TRAPPC9: variants seen among roughly 807,000 people sequenced by gnomAD.
The protein encoded by TRAPPC9 is trafficking protein particle complex subunit 9, also known as IKK2 binding protein.
Under a neutral mutation model 124.0 loss-of-function variants are expected in TRAPPC9, and 83 were observed. The observed-to-expected ratio is 0.67, with a 90% CI of 0.56 to 0.80. TRAPPC9 has a LOEUF of 0.80. Ranked by LOEUF, TRAPPC9 falls within the 30% of genes least tolerant of loss-of-function variation. The probability of loss-of-function intolerance (pLI) is 0.00; values close to 1 mark genes in which losing one functional copy is unlikely to be tolerated. For missense variants in TRAPPC9, 1,302 were observed against 1,508.3 expected, an observed-to-expected ratio of 0.86 and a Z score of 2.27; for synonymous variants, 638 against 617.5, an observed-to-expected ratio of 1.03 and a Z score of -0.49.
rs28710457 is a variant in TRAPPC9 at position 139,988,794 on chromosome 8, G to T, written c.2742C>A (p.Thr914=). The T allele has an allele frequency of 1.3e-6, 2 of 1,551,486 alleles. No homozygotes were observed. Among genetic ancestry groups the T allele is most frequent in the East Asian group, 4.9e-5 (2 of 40,906 alleles). ...TGGTGCTGACGGTCAGCTCATGCTC[G>T]GTGGAGTTGAAGACATCCAGGAGCA... is the stretch of plus-strand genomic sequence containing the variant. ...CHLLLDVFNS[T]EHELTVSTRS... is the part of the protein sequence containing the mutation. The change falls in exon 19 of 23, where the codon ACC becomes ACA. Residue 914 remains threonine, a synonymous_variant. Transcript: ENST00000438773.
Position 140,074,579 on chromosome 8 carries a change from CACTT to C in TRAPPC9, c.2557-50504_2557-50501del, listed in dbSNP as rs141867655. On this transcript the variant is annotated intron_variant, in intron 17 of 22. Coordinates refer to ENST00000438773, the MANE Select transcript of TRAPPC9 (RefSeq NM_001160372.4). Reference sequence around the variant, plus strand: ...GGCTGATGTCGCTGCACTTAACAAACACTTACTGGGCTCTCGTTGTCAGACAGAC... The same window carrying C: ...GGCTGATGTCGCTGCACTTAACAAACACTGGGCTCTCGTTGTCAGACAGAC... 5.5e-3 allele frequency among the ~76,000 whole-genome samples: 837 copies of C among 152,288 alleles called. 22 individuals carry two copies. The East Asian group carries it at 0.07, about 13-fold the overall frequency.
intron 6 of TRAPPC9, among the ~76,000 whole-genome samples, chr8:140,400,537 C>T (rs1415904168): frequency 1.3e-5 from 2 of 152,310 alleles, no homozygotes; most frequent in South Asian, 2.1e-4. Context: ...TGCTTTCTGA[C>T]TTTGTCTCAG....
intron 19 of TRAPPC9, among the ~76,000 whole-genome samples, chr8:139,919,733 C>A (rs1832387859): frequency 6.6e-6 from 1 of 152,182 alleles, no homozygotes; most frequent in African/African-American, 2.4e-5. Flanking sequence ...TTGGTTGTGT[C>A]AGAGCTGTTT....
chr8:140,450,868 T>G lies in TRAPPC9; in HGVS notation c.506A>C (p.Asp169Ala). Residue 169 changes from aspartate (D) to alanine (A), a missense_variant, in exon 2 of 23, where the codon GAC becomes GCC. Asp to Ala is a moderately radical substitution (Grantham distance 126). Transcript: ENST00000438773. ...AAGGGGGATCTTATCCCCAGACTTG[T>G]CTGTGGCTCTGTCCAGACGCTTGGA... is the stretch of plus-strand genomic sequence containing the variant. The part of the protein sequence containing the change: ...LESKRLDRAT[D>A]KSGDKIPLLC... 3 of 1,614,058 alleles carry G rather than the reference T, an allele frequency of 1.9e-6. No homozygotes were observed. Among genetic ancestry groups the G allele is most frequent in the Non-Finnish European group, 1.7e-6 (2 of 1,179,996 alleles).
chr8:139,990,516 T>A (rs188506512), intron 18 of TRAPPC9, among the ~76,000 whole-genome samples: 4 of 152,208 alleles, frequency 2.6e-5, no homozygotes, highest in Admixed American at 2.6e-4. Flanking sequence ...GGGGCATCTG[T>A]GAAATATCAA....
chr8:140,400,921 C>G (rs1281483875), intron 6 of TRAPPC9, among the ~76,000 whole-genome samples: 3 of 152,178 alleles, frequency 2.0e-5, no homozygotes, highest in Non-Finnish European at 4.4e-5. Flanking sequence ...CTACTCCAAA[C>G]CTTATTTTTA....
chr8:140,084,714 T>C (rs10103236), intron 17 of TRAPPC9, among the ~76,000 whole-genome samples: 41,086 of 152,218 alleles, frequency 0.27, 8,532 homozygotes, highest in African/African-American at 0.58. Flanking sequence ...GCATGGTCCT[T>C]GGCCCCTCAG....
At position 139,825,628 on chromosome 8, in the gene TRAPPC9, T is replaced by C. The variant is rs149808681; in HGVS notation, c.3055+60251A>G. Among the ~76,000 whole-genome samples, 269 of 152,178 alleles carry C rather than the reference T, an allele frequency of 1.8e-3. No homozygotes were observed. Among genetic ancestry groups the C allele is most frequent in the Non-Finnish European group, 3.0e-3 (205 of 67,978 alleles). ...AGTAAGTTCTGAGAAAAAAGTCACTTCCACCCGGGGGAAATTTCATGGCTC... is the reference window on the plus strand; with the variant it reads ...AGTAAGTTCTGAGAAAAAAGTCACTCCCACCCGGGGGAAATTTCATGGCTC... On this transcript the variant is annotated intron_variant, in intron 21 of 22. Transcript: ENST00000438773. This position sits in a 1 kb window ranked among gnomAD's most constrained non-coding sequence, Gnocchi z 4.6.
intron 21 of TRAPPC9, among the ~76,000 whole-genome samples, chr8:139,803,347 C>T (rs1179196204): frequency 6.6e-6 from 1 of 152,238 alleles, no homozygotes; most frequent in Non-Finnish European, 1.5e-5. Flanking sequence ...TGCCCTCCAG[C>T]CCCGTGGGCA....
chr8:139,937,584 G>C (rs79881896), intron 19 of TRAPPC9, among the ~76,000 whole-genome samples: 5,743 of 152,166 alleles, frequency 0.038, 272 homozygotes, highest in African/African-American at 0.11. Context: ...GAGAGAGGGA[G>C]GATCAATGTA....
chr8:139,820,103 CA>C (rs1411661696), intron 21 of TRAPPC9, among the ~76,000 whole-genome samples: 20 of 151,162 alleles, frequency 1.3e-4, no homozygotes, highest in African/African-American at 4.6e-4. Context: ...TGATAAATGC[CA>C]AAAGACATTT....
chr8:139,843,304 T>G (rs1365185962), intron 21 of TRAPPC9, among the ~76,000 whole-genome samples: 1 of 152,206 alleles, frequency 6.6e-6, no homozygotes, highest in East Asian at 1.9e-4. Flanking sequence ...GCGGCAGGGC[T>G]GAGACTCGGC....
chr8:139,830,408 C>T (rs1244180686), intron 21 of TRAPPC9, among the ~76,000 whole-genome samples: 2 of 151,868 alleles, frequency 1.3e-5, no homozygotes, highest in Non-Finnish European at 2.9e-5. Context: ...AATGAGCATA[C>T]ACCTGCAAAT....
chr8:139,738,829 G>C (rs1372137221), intron 21 of TRAPPC9, among the ~76,000 whole-genome samples: 1 of 151,874 alleles, frequency 6.6e-6, no homozygotes, highest in African/African-American at 2.4e-5. Context: ...CGCAGAGCTG[G>C]TCCTGGGGCA....
intron 18 of TRAPPC9, chr8:140,008,325 A>C (rs1445767026): frequency 6.6e-6 from 1 of 152,288 alleles, no homozygotes; most frequent in East Asian, 1.9e-4. Flanking sequence ...GTCTCAGTGC[A>C]GATCTCGCAG....
intron 21 of TRAPPC9, among the ~76,000 whole-genome samples, chr8:139,733,107 G>A (rs1043815902): frequency 1.3e-5 from 2 of 152,176 alleles, no homozygotes; most frequent in Non-Finnish European, 2.9e-5. Context: ...GGGAAGGGGA[G>A]TCTTTGAAGA....
At chr8:140,457,295 A>G (rs2071712839) in intron 1 of TRAPPC9, among the ~76,000 whole-genome samples, 1 of 152,294 alleles carries the variant, frequency 6.6e-6, no homozygotes, top group South Asian at 2.1e-4. Context: ...TCGGAGGCAC[A>G]GAGGGGAAGG....
chr8:139,948,720 C>T (rs1053262660), intron 19 of TRAPPC9, among the ~76,000 whole-genome samples: 2 of 152,218 alleles, frequency 1.3e-5, no homozygotes, highest in African/African-American at 4.8e-5. Context: ...CAGGTGCCCC[C>T]TTTGCAGCCT....
chr8:139,785,537 A>AAC (rs57202244), intron 21 of TRAPPC9, among the ~76,000 whole-genome samples: 31,287 of 138,040 alleles, frequency 0.23, 3,535 homozygotes, highest in Middle Eastern at 0.29. Context: ...ATCTCTACTA[A>AAC]ACACACACAC....
Sources: allele counts gnomAD v4.1 joint callset (sites outside exome capture counted in the v4.1 genomes callset), GRCh38; gene constraint gnomAD v4.1.1; non-coding constraint Gnocchi (gnomAD v3.1); transcripts MANE v1.5; gene names NCBI Gene and HGNC (gene_info 2026-07-23, HGNC 2026-07-21).